DRC8: variants seen among roughly 807,000 people sequenced by gnomAD.
DRC8 encodes dynein regulatory complex protein 8.
chr1:245,093,595 C>G, the DRC8 span, among the ~76,000 whole-genome samples: 1 of 151,202 alleles, frequency 6.6e-6, no homozygotes, highest in Non-Finnish European at 1.5e-5. Flanking sequence ...ACTCGGGAGG[C>G]TGAGGCAGGA....
chr1:245,068,321 G>T, the DRC8 span, among the ~76,000 whole-genome samples: 1 of 152,020 alleles, frequency 6.6e-6, no homozygotes, highest in Non-Finnish European at 1.5e-5. Context: ...TAAATAAATA[G>T]GAACTTCCTT....
At chr1:245,035,223 A>G in the DRC8 span, among the ~76,000 whole-genome samples, 7 of 152,066 alleles carry the variant, frequency 4.6e-5, no homozygotes, top group African/African-American at 1.7e-4. Context: ...GTTAATTCTA[A>G]AATTCATATA....
chr1:245,101,312 T>A, the DRC8 span, among the ~76,000 whole-genome samples: 64 of 152,396 alleles, frequency 4.2e-4, 1 homozygote, highest in East Asian at 0.012. Flanking sequence ...ATCCTGGTTT[T>A]GCTGGTTGCA....
At chr1:245,094,918 C>T in the DRC8 span, among the ~76,000 whole-genome samples, 1 of 152,192 alleles carries the variant, frequency 6.6e-6, no homozygotes, top group African/African-American at 2.4e-5. Flanking sequence ...CTCTATAGAA[C>T]TTCTTTAGAA....
chr1:245,095,845 G>A, the DRC8 span, among the ~76,000 whole-genome samples: 275 of 152,096 alleles, frequency 1.8e-3, 2 homozygotes, highest in Middle Eastern at 6.8e-3. Flanking sequence ...TTAAAGTGAT[G>A]GGGACCTATT....
At chr1:245,087,125 G>A in the DRC8 span, 6 of 1,417,672 alleles carry the variant, frequency 4.2e-6, no homozygotes, top group East Asian at 2.5e-5. Context: ...ACAGCTCCAG[G>A]GAGCGTAACT....
chr1:244,970,512 G>C, the DRC8 span: 1 of 1,503,984 alleles, frequency 6.6e-7, no homozygotes, highest in Non-Finnish European at 8.8e-7. Flanking sequence ...ACGGGGAAGC[G>C]CCGGGTGGGG....
chr1:244,993,510 A>G, the DRC8 span, among the ~76,000 whole-genome samples: 1 of 152,228 alleles, frequency 6.6e-6, no homozygotes, highest in Admixed American at 6.5e-5. Context: ...AACTAGAGAG[A>G]TGTTACTTGC....
At chr1:245,097,259 G>A in the DRC8 span, among the ~76,000 whole-genome samples, 13 of 152,198 alleles carry the variant, frequency 8.5e-5, no homozygotes, top group East Asian at 3.9e-4. The surrounding 1 kb of genome is among the most constrained non-coding windows in gnomAD (Gnocchi z 5.0). Context: ...GGTGGCTCAC[G>A]CCTGTAATCC....
At chr1:244,996,166 T>C in the DRC8 span, among the ~76,000 whole-genome samples, 1 of 152,216 alleles carries the variant, frequency 6.6e-6, no homozygotes, top group South Asian at 2.1e-4. Flanking sequence ...TGCCGTAATC[T>C]GATGGATTGG....
At chr1:245,002,189 A>T in the DRC8 span, 1 of 1,610,546 alleles carries the variant, frequency 6.2e-7, no homozygotes, top group South Asian at 1.1e-5. Context: ...TGGAAGGTGG[A>T]AGAAGAGACC....
the DRC8 span, among the ~76,000 whole-genome samples, chr1:244,989,693 C>T: frequency 6.6e-6 from 1 of 152,140 alleles, no homozygotes; most frequent in Non-Finnish European, 1.5e-5. Context: ...ATATGTGCAG[C>T]CCACACTCAA....
the DRC8 span, chr1:244,970,524 G>A: frequency 1.3e-6 from 2 of 1,493,268 alleles, no homozygotes; most frequent in Admixed American, 2.2e-5. Flanking sequence ...CGGGTGGGGT[G>A]GGCCCTCGTC....
the DRC8 span, among the ~76,000 whole-genome samples, chr1:245,012,919 A>C: frequency 2.0e-5 from 3 of 152,172 alleles, no homozygotes; most frequent in African/African-American, 4.8e-5. Context: ...AATAAATAAA[A>C]TGCTATGGTA....
the DRC8 span, among the ~76,000 whole-genome samples, chr1:245,005,054 C>A: frequency 6.6e-6 from 1 of 151,988 alleles, no homozygotes; most frequent in Admixed American, 6.6e-5. Flanking sequence ...TTTTGCTCCT[C>A]TTCGTTCTAT....
the DRC8 span, chr1:244,970,858 T>C: frequency 1.2e-5 from 3 of 247,126 alleles, no homozygotes; most frequent in East Asian, 2.7e-4. Context: ...GTGCTGATAA[T>C]GGCGTCGTTG....
the DRC8 span, among the ~76,000 whole-genome samples, chr1:244,992,721 C>T: frequency 3.3e-5 from 5 of 152,138 alleles, no homozygotes; most frequent in Non-Finnish European, 7.3e-5. Context: ...GCCTGGGCAA[C>T]AGAGTGAGAC....
chr1:245,036,768 G>A, the DRC8 span, among the ~76,000 whole-genome samples: 5 of 152,208 alleles, frequency 3.3e-5, no homozygotes, highest in Non-Finnish European at 7.3e-5. Flanking sequence ...ACATTTATAT[G>A]AAATGTCTAG....
the DRC8 span, among the ~76,000 whole-genome samples, chr1:245,043,445 AAAAG>A: frequency 5.2e-3 from 789 of 152,086 alleles, 3 homozygotes; most frequent in African/African-American, 0.018. Context: ...AGGAAAAAAA[AAAAG>A]AAAGAAAGAA....
Sources: allele counts gnomAD v4.1 joint callset (sites outside exome capture counted in the v4.1 genomes callset), GRCh38; gene constraint gnomAD v4.1.1; non-coding constraint Gnocchi (gnomAD v3.1); transcripts MANE v1.5; gene names NCBI Gene and HGNC (gene_info 2026-07-23, HGNC 2026-07-21).